The following GABRA2 variants were observed in gnomAD, a reference collection of about 807,000 sequenced individuals.
GABRA2 encodes the protein gamma-aminobutyric acid receptor subunit alpha-2.
GABRA2 carries 16 observed loss-of-function variants against 48.7 expected under a neutral mutation model. The observed-to-expected ratio is 0.33, with a 90% confidence interval of 0.22 to 0.50. GABRA2 has a LOEUF of 0.50. Ranked by LOEUF, GABRA2 falls within the 20% of genes least tolerant of loss-of-function variation. GABRA2 has a pLI of 0.98. For synonymous variants in GABRA2, 185 were observed against 184.5 expected, an observed-to-expected ratio of 1.00 and a Z score of -0.02; for missense variants, 275 against 535.6, an observed-to-expected ratio of 0.51 and a Z score of 4.80.
chr4:46,358,809 T>G (rs1251274646), intron 3 of GABRA2, among the ~76,000 whole-genome samples: 1 of 152,224 alleles, frequency 6.6e-6, no homozygotes, highest in Non-Finnish European at 1.5e-5. Flanking sequence ...AGTTATGATG[T>G]TCTTTTGCAC....
At chr4:46,257,967 T>C (rs567280886) in intron 9 of GABRA2, among the ~76,000 whole-genome samples, 5 of 151,898 alleles carry the variant, frequency 3.3e-5, no homozygotes, top group Non-Finnish European at 5.9e-5. Context: ...TGGAAAGATA[T>C]AAAATCTATT....
intron 8 of GABRA2, among the ~76,000 whole-genome samples, chr4:46,280,139 A>G (rs972656203): frequency 1.8e-4 from 27 of 152,196 alleles, no homozygotes; most frequent in Non-Finnish European, 1.5e-4. Flanking sequence ...ATATATTTAT[A>G]TAATGTTGGA....
intron 4 of GABRA2, among the ~76,000 whole-genome samples, chr4:46,323,084 G>A (rs1488372540): frequency 2.0e-5 from 3 of 151,724 alleles, no homozygotes; most frequent in Admixed American, 6.6e-5. Context: ...ATATTTTAAA[G>A]AAAGTCAACA....
intron 3 of GABRA2, among the ~76,000 whole-genome samples, chr4:46,343,450 C>T (rs1389838349): frequency 6.6e-6 from 1 of 151,766 alleles, no homozygotes; most frequent in East Asian, 1.9e-4. Flanking sequence ...TTTTAAAAGT[C>T]TGTAAGTTTG....
intron 8 of GABRA2, among the ~76,000 whole-genome samples, chr4:46,292,742 G>A (rs778359812): frequency 1.3e-5 from 2 of 152,148 alleles, no homozygotes; most frequent in Non-Finnish European, 2.9e-5. Context: ...AAAGGCTTAG[G>A]GAGATTGGGA....
chr4:46,269,983 C>T (rs1428232972), intron 8 of GABRA2, among the ~76,000 whole-genome samples: 1 of 151,782 alleles, frequency 6.6e-6, no homozygotes, highest in East Asian at 1.9e-4. Context: ...GATGGTTGCA[C>T]TAATACTGAT....
At position 46,389,802 on chromosome 4, in the gene GABRA2, G is replaced by GGGGAGAGAGAGAGAGAGAGAGAGA. The variant is rs1553928580; in HGVS notation, c.-79_-78insTCTCTCTCTCTCTCTCTCTCTCCC. ...TGATCTTGACGAGATAGGAAACTTG[G>GGGGAGAGAGAGAGAGAGAGAGAGA]GAGAGAGAGAGAGAGAGAGAGAGAG... On this transcript the variant is annotated 5_prime_UTR_variant, in exon 1 of 10. Coordinates refer to ENST00000381620, the MANE Select transcript of GABRA2 (RefSeq NM_000807.4). 1 of 268,258 alleles carries GGGGAGAGAGAGAGAGAGAGAGAGA rather than the reference G, an allele frequency of 3.7e-6. No homozygotes were observed. Among genetic ancestry groups the GGGGAGAGAGAGAGAGAGAGAGAGA allele is most frequent in the Non-Finnish European group, 4.3e-6 (1 of 234,002 alleles). The allele number at this position is 268,258 out of a possible 1,614,324, so 16.6% of individuals were successfully genotyped here.
Position 46,389,902 on chromosome 4 carries a change from T to C in GABRA2, c.-178A>G. The stretch of plus-strand genomic sequence containing the variant: ...GCCAAGAGAGCGTGGAGCGATGGGC[T>C]GGTGGAAGCCGGAGAGGAGCGCTAG... On this transcript the variant is annotated 5_prime_UTR_variant, in exon 1 of 10. Transcript: ENST00000381620. 1.0e-6 allele frequency: 1 copy of C among 965,822 alleles called. No individual in the cohort carries two copies. The highest frequency in any genetic ancestry group is 4.8e-5 in the South Asian group (1 of 20,804). The allele number at this position is 965,822 out of a possible 1,614,324, so 59.8% of individuals were successfully genotyped here. A position where few individuals can be genotyped will look rare whatever the true frequency, so the allele number is the denominator to read the frequency against.
At chr4:46,348,601 A>C (rs1734572094) in intron 3 of GABRA2, among the ~76,000 whole-genome samples, 1 of 152,028 alleles carries the variant, frequency 6.6e-6, no homozygotes, top group Non-Finnish European at 1.5e-5. Flanking sequence ...AGTCATAAAA[A>C]ATGATGAGGT....
chr4:46,327,400 T>C (rs1730572606), intron 4 of GABRA2, among the ~76,000 whole-genome samples: 3 of 152,030 alleles, frequency 2.0e-5, no homozygotes, highest in Admixed American at 6.6e-5. Flanking sequence ...GAAAAATATT[T>C]GATGAATGAA....
intron 3 of GABRA2, among the ~76,000 whole-genome samples, chr4:46,373,169 C>G (rs184321355): frequency 8.5e-5 from 13 of 152,312 alleles, no homozygotes; most frequent in Admixed American, 8.5e-4. Flanking sequence ...CGGTGAACAT[C>G]TGTGTAACAA....
rs907573378 is a variant in GABRA2, at chr4:46,244,824, T to C, written c.*5484A>G. Among the ~76,000 whole-genome samples, 13 of 151,458 alleles carry C rather than the reference T, an allele frequency of 8.6e-5. No homozygotes were observed. The highest frequency in any genetic ancestry group is 3.0e-5 in the Non-Finnish European group (2 of 67,564). Reference sequence around the variant, plus strand: ...AGAAACTAAATTGTACCAAAGAAGTTAGTAAATAGCTAGCATCACAAAAAC... The same window carrying C: ...AGAAACTAAATTGTACCAAAGAAGTCAGTAAATAGCTAGCATCACAAAAAC... On this transcript the variant is annotated 3_prime_UTR_variant, in exon 10 of 10. Transcript: ENST00000381620.
chr4:46,362,788 CA>C (rs529999592), intron 3 of GABRA2, among the ~76,000 whole-genome samples: 51 of 152,236 alleles, frequency 3.4e-4, no homozygotes, highest in African/African-American at 1.1e-3. Flanking sequence ...TGCAGCAAAG[CA>C]ATGGTTTGCA....
At position 46,362,456 on chromosome 4, in the gene GABRA2, G is replaced by A. The variant is rs75916776; in HGVS notation, c.187+23618C>T. Reference sequence around the variant, plus strand: ...TCTTTTGTGAATTGCCCAGTCCCAGGTATGTCTTTATCAGCAGCGTGAAAA... The same window carrying A: ...TCTTTTGTGAATTGCCCAGTCCCAGATATGTCTTTATCAGCAGCGTGAAAA... On this transcript the variant is annotated intron_variant, in intron 3 of 9. Transcript: ENST00000381620. 3.1e-3 allele frequency among the ~76,000 whole-genome samples: 469 copies of A among 152,170 alleles called. 14 individuals carry two copies. In the East Asian group the frequency reaches 0.082, roughly 27 times the overall value.
intron 3 of GABRA2, chr4:46,368,171 G>A (rs1209395489): frequency 6.6e-6 from 1 of 152,086 alleles, no homozygotes; most frequent in Non-Finnish European, 1.5e-5. Context: ...CAAGATACAT[G>A]ATCGAGAGAT....
chr4:46,255,045 A>C (rs1577766040), intron 9 of GABRA2, among the ~76,000 whole-genome samples: 1 of 151,568 alleles, frequency 6.6e-6, no homozygotes, highest in Non-Finnish European at 1.5e-5. Flanking sequence ...TTGCCATTTC[A>C]TGCTTTTCTG....
intron 8 of GABRA2, among the ~76,000 whole-genome samples, chr4:46,295,751 C>A (rs1257770704): frequency 6.6e-6 from 1 of 152,168 alleles, no homozygotes; most frequent in Non-Finnish European, 1.5e-5. Flanking sequence ...TACCTGGTGG[C>A]AGTTTGATTT....
At chr4:46,362,806 CA>C (rs1050664409) in intron 3 of GABRA2, among the ~76,000 whole-genome samples, 29 of 152,048 alleles carry the variant, frequency 1.9e-4, no homozygotes, top group African/African-American at 6.8e-4. Context: ...TGCAAAATGG[CA>C]AAAGATAGTA....
rs1317516848 is a variant in GABRA2 at position 46,373,471 on chromosome 4, G to A, written c.187+12603C>T. On this transcript the variant is annotated intron_variant, in intron 3 of 9. Transcript: ENST00000381620. ...TCAGATAACTGTTATTCTGATGTAT[G>A]TACTGGAACAGTAATAAGTCAACTT... 2.6e-5 allele frequency among the ~76,000 whole-genome samples: 4 copies of A among 152,194 alleles called. No individual in the cohort carries two copies. In the East Asian group the frequency reaches 5.8e-4, roughly 22 times the overall value.
Sources: gnomAD v4.1 joint callset for allele counts (sites outside exome capture counted in the v4.1 genomes callset) on GRCh38, gnomAD v4.1.1 for gene constraint, MANE v1.5 for transcripts, NCBI Gene and HGNC (gene_info 2026-07-23, HGNC 2026-07-21) for gene names.